Variants in GRID2IP observed in about 807,000 individuals in gnomAD.
GRID2IP encodes the protein Grid2 interacting protein.
GRID2IP carries 78 observed loss-of-function variants against 114.3 expected under a neutral mutation model. The ratio of observed to expected loss-of-function variants is 0.68; its 90% CI spans 0.57 to 0.82. GRID2IP has a LOEUF of 0.82. Ranked by LOEUF, GRID2IP falls within the 40% of genes least tolerant of loss-of-function variation. The pLI, the probability that GRID2IP is intolerant of heterozygous loss-of-function variation, is 0.00. For synonymous variants in GRID2IP, 809 were observed against 724.0 expected (o/e 1.12, Z -1.89); for missense variants, 1,727 against 1,678.5 (o/e 1.03, Z -0.51).
intron 9 of GRID2IP, 79 bp from the exon 10 acceptor site, chr7:6,510,785 C>A: frequency 6.8e-7 from 1 of 1,471,976 alleles, no homozygotes; most frequent in Non-Finnish European, 9.2e-7. Context: ...CCCCGCAGAC[C>A]CAGGAGGGCC....
intron 2 of GRID2IP, among the ~76,000 whole-genome samples, chr7:6,527,428 A>G (rs1466922913): frequency 3.3e-5 from 5 of 152,112 alleles, no homozygotes; most frequent in African/African-American, 1.2e-4. Context: ...TTAATCCTAC[A>G]TGTATTCAGG....
intron 20 of GRID2IP, among the ~76,000 whole-genome samples, chr7:6,499,570 ACAGG>A (rs1786356750): frequency 6.6e-6 from 1 of 152,194 alleles, no homozygotes; most frequent in African/African-American, 2.4e-5. Flanking sequence ...AGCTGGGATT[ACAGG>A]CACATGGCAC....
intron 2 of GRID2IP, among the ~76,000 whole-genome samples, chr7:6,529,382 C>A (rs1006651752): frequency 2.0e-5 from 3 of 152,056 alleles, no homozygotes; most frequent in African/African-American, 7.2e-5. Flanking sequence ...ACCGGGGAGA[C>A]AGAGGTTGCA....
chr7:6,522,313 G>A (rs914865983), intron 4 of GRID2IP, among the ~76,000 whole-genome samples: 2 of 152,128 alleles, frequency 1.3e-5, no homozygotes, highest in Non-Finnish European at 2.9e-5. Context: ...AGGACCACGG[G>A]AGTGATCCCC....
Position 6,526,774 on chromosome 7 carries a change from C to G in GRID2IP, c.585-5G>C. 6.6e-7 allele frequency: 1 copy of G among 1,511,012 alleles called. No individual in the cohort carries two copies. Among genetic ancestry groups the G allele is most frequent in the Non-Finnish European group, 8.8e-7 (1 of 1,130,150 alleles). The allele number at this position is 1,511,012 out of a possible 1,614,324, so 93.6% of individuals were successfully genotyped here. ...TGCTTCTTGGGGATGAAGATCCTGCCGGCGAGGACGGCGGAGTCGGGGCGC... is the reference window on the plus strand; with the variant it reads ...TGCTTCTTGGGGATGAAGATCCTGCGGGCGAGGACGGCGGAGTCGGGGCGC... On this transcript the variant is annotated splice_region_variant and splice_polypyrimidine_tract_variant and intron_variant, in intron 2 of 21. Transcript: ENST00000457091. The surrounding 1 kb of genome is among the most constrained non-coding windows in gnomAD (Gnocchi z 7.6).
intron 20 of GRID2IP, among the ~76,000 whole-genome samples, chr7:6,499,345 C>T (rs1331234600): frequency 6.6e-6 from 1 of 152,182 alleles, no homozygotes; most frequent in East Asian, 1.9e-4. Flanking sequence ...CATAGTCCCA[C>T]AGCAGGTAAG....
intron 1 of GRID2IP, among the ~76,000 whole-genome samples, chr7:6,548,830 A>C (rs1411530780): frequency 3.5e-5 from 5 of 144,352 alleles, no homozygotes; most frequent in Non-Finnish European, 6.0e-5. Context: ...TGACAGAGCG[A>C]GACTCTGCCT....
At chr7:6,517,014 G>T (rs1433241255) in intron 7 of GRID2IP, among the ~76,000 whole-genome samples, 1 of 151,772 alleles carries the variant, frequency 6.6e-6, no homozygotes, top group African/African-American at 2.4e-5. Flanking sequence ...TGGTCCCCCG[G>T]GCCCAGCTGT....
rs1779384633 is a variant in GRID2IP at position 6,520,074 on chromosome 7, G to C, written c.1268+504C>G. Among the ~76,000 whole-genome samples the C allele has an allele frequency of 6.6e-6, 1 of 152,094 alleles. No individual in the cohort carries two copies. The highest frequency in any genetic ancestry group is 1.5e-5 in the Non-Finnish European group (1 of 68,002). On this transcript the variant is annotated intron_variant, in intron 7 of 21. Transcript: ENST00000457091. The surrounding 1 kb of genome is among the most constrained non-coding windows in gnomAD (Gnocchi z 4.6). ...GCAGATCACGAGGTCAGGAGTTTGA[G>C]ACCAGCCTGACCAACATAGTGAAAC...
At chr7:6,514,778 G>C (rs903531824) in intron 7 of GRID2IP, among the ~76,000 whole-genome samples, 8 of 151,638 alleles carry the variant, frequency 5.3e-5, no homozygotes, top group Non-Finnish European at 1.2e-4. Flanking sequence ...ATGGTGAAAG[G>C]CCGTCTCTAC....
intron 2 of GRID2IP, among the ~76,000 whole-genome samples, chr7:6,538,625 C>A (rs1779767398): frequency 6.6e-6 from 1 of 151,952 alleles, no homozygotes; most frequent in Non-Finnish European, 1.5e-5. Flanking sequence ...CGTCTGTAAT[C>A]CACACACTTT....
At chr7:6,531,464 G>A (rs548895215) in intron 2 of GRID2IP, among the ~76,000 whole-genome samples, 2 of 152,320 alleles carry the variant, frequency 1.3e-5, no homozygotes, top group South Asian at 2.1e-4. Context: ...GCGAGTCCCC[G>A]CAGTTCAGAG....
Position 6,513,972 on chromosome 7 carries a change from G to T in GRID2IP, c.1423+403C>A, listed in dbSNP as rs1291997048. On this transcript the variant is annotated intron_variant, in intron 8 of 21. Transcript: ENST00000457091. ...CAAAAAAAAAAAAAAAAAAAAAAAA[G>T]GCTGGGCGTGGTGGCTCACACCTGT... Among the ~76,000 whole-genome samples, 4 of 129,052 alleles carry T rather than the reference G, an allele frequency of 3.1e-5. No individual in the cohort carries two copies. The South Asian group carries it at 9.5e-4, about 31-fold the overall frequency. 84.7% of individuals were successfully genotyped at this position (129,052 alleles called of 152,430 possible).
chr7:6,530,854 C>T (rs762674711), intron 2 of GRID2IP, among the ~76,000 whole-genome samples: 6 of 152,260 alleles, frequency 3.9e-5, no homozygotes, highest in African/African-American at 1.4e-4. Context: ...GGGTTCTGAG[C>T]GCCCAACGCT....
rs1190973363 is a variant in GRID2IP at position 6,508,027 on chromosome 7, C to G, written c.2502G>C (p.Arg834=). The G allele has an allele frequency of 6.5e-7, 1 of 1,549,756 alleles. No homozygotes were observed. Among genetic ancestry groups the G allele is most frequent in the Non-Finnish European group, 8.7e-7 (1 of 1,146,798 alleles). The change falls in exon 13 of 22, where the codon CGG becomes CGC. Residue 834 remains arginine (R), a synonymous_variant. Transcript: ENST00000457091. The surrounding 1 kb of genome is among the most constrained non-coding windows in gnomAD (Gnocchi z 5.6). The part of the protein sequence containing the change: ...ETSHMSVKRL[R]WEQVENSEGT... ...CTTCTGAGTTCTCCACCTGTTCCCACCGCAAGCGCTTGACGCTCATGTGGC... is the reference window on the plus strand; with the variant it reads ...CTTCTGAGTTCTCCACCTGTTCCCAGCGCAAGCGCTTGACGCTCATGTGGC...
intron 4 of GRID2IP, among the ~76,000 whole-genome samples, chr7:6,525,024 G>C (rs377588889): frequency 3.9e-5 from 6 of 152,006 alleles, no homozygotes; most frequent in African/African-American, 1.4e-4. Context: ...AAATAAAATA[G>C]GCCGAGTGTG....
rs747648682 is a variant in GRID2IP, at chr7:6,506,976, C to T, written c.2544+1009G>A. 6.6e-6 allele frequency among the ~76,000 whole-genome samples: 1 copy of T among 152,152 alleles called. No homozygotes were observed. Among genetic ancestry groups the T allele is most frequent in the African/African-American group, 2.4e-5 (1 of 41,436 alleles). The stretch of plus-strand genomic sequence containing the variant: ...GGGATTACAGGCGTGAACCACCAAG[C>T]CTGGCCTCAATGGGCATCTTTATTA... On this transcript the variant is annotated intron_variant, in intron 13 of 21. Transcript: ENST00000457091. The surrounding 1 kb of genome is among the most constrained non-coding windows in gnomAD (Gnocchi z 5.2).
intron 8 of GRID2IP, among the ~76,000 whole-genome samples, chr7:6,511,343 C>T (rs1779150722): frequency 6.6e-6 from 1 of 152,106 alleles, no homozygotes; most frequent in Non-Finnish European, 1.5e-5. Flanking sequence ...GGCCAAGTCA[C>T]TGCTGCCCAG....
intron 2 of GRID2IP, among the ~76,000 whole-genome samples, chr7:6,539,249 C>T (rs1779777222): frequency 6.6e-6 from 1 of 152,114 alleles, no homozygotes; most frequent in Non-Finnish European, 1.5e-5. Context: ...CAGCCTCAGC[C>T]TCCCAAGTAG....
Sources: allele counts gnomAD v4.1 joint callset (sites outside exome capture counted in the v4.1 genomes callset), GRCh38; gene constraint gnomAD v4.1.1; non-coding constraint Gnocchi (gnomAD v3.1); transcripts MANE v1.5; gene names NCBI Gene and HGNC (gene_info 2026-07-23, HGNC 2026-07-21).